CTNND2: variants seen among roughly 807,000 people sequenced by gnomAD.
CTNND2 encodes catenin delta 2, also known as catenin delta-2.
CTNND2 carries 22 observed loss-of-function variants against 144.4 expected under a neutral mutation model. That is an observed-to-expected ratio of 0.15 (90% CI 0.11 to 0.22). The LOEUF (loss-of-function observed/expected upper bound fraction) is 0.22, where lower values mean the gene tolerates loss of function less well. CTNND2 is among the 10% of genes least tolerant of loss of function. The pLI is 1.00. For synonymous variants in CTNND2, 751 were observed against 695.6 expected (o/e 1.08, Z -1.25); for missense variants, 1,353 against 1,618.8 (o/e 0.84, Z 2.82).
intron 2 of CTNND2, among the ~76,000 whole-genome samples, chr5:11,616,586 C>T (rs1312792998): frequency 6.7e-6 from 1 of 150,166 alleles, no homozygotes; most frequent in East Asian, 1.9e-4. Context: ...CTTTCCTTCC[C>T]CTTCCTTCCT....
At chr5:11,791,385 T>C (rs1174872463) in intron 1 of CTNND2, among the ~76,000 whole-genome samples, 1 of 152,122 alleles carries the variant, frequency 6.6e-6, no homozygotes, top group Non-Finnish European at 1.5e-5. Context: ...AATGCTGATA[T>C]TAAGCCAAAT....
At chr5:10,975,237 G>A (rs1333207636) in intron 21 of CTNND2, among the ~76,000 whole-genome samples, 1 of 152,158 alleles carries the variant, frequency 6.6e-6, no homozygotes, top group Non-Finnish European at 1.5e-5. Context: ...ACACAGGGCT[G>A]TTTTCCAAGT....
chr5:11,493,889 T>G (rs1281966356), intron 3 of CTNND2, among the ~76,000 whole-genome samples: 5 of 152,172 alleles, frequency 3.3e-5, no homozygotes, highest in Non-Finnish European at 7.4e-5. Context: ...GTTAAGGATA[T>G]GAAAAAGGTT....
chr5:11,099,383 T>C (rs534835660), intron 14 of CTNND2, among the ~76,000 whole-genome samples: 2 of 152,328 alleles, frequency 1.3e-5, no homozygotes, highest in African/African-American at 4.8e-5. Flanking sequence ...TTGAATCTAA[T>C]GAATAATAGG....
rs61749844 is a variant in CTNND2, at chr5:11,385,019, C to T, written c.823G>A (p.Gly275Ser). 5.7e-6 allele frequency: 7 copies of T among 1,234,510 alleles called. No individual in the cohort carries two copies. Among genetic ancestry groups the T allele is most frequent in the African/African-American group, 1.6e-5 (1 of 63,368 alleles). 76.5% of individuals were successfully genotyped at this position (1,234,510 alleles called of 1,614,324 possible). Residue 275 changes from glycine (G) to serine (S), a missense_variant, in exon 7 of 22, where the codon GGT becomes AGT. Around this residue, in one of 4 missense-constraint regions of CTNND2, gnomAD observed 708 missense variants for 706.4 expected, o/e 1.00. Transcript: ENST00000304623. The part of the protein sequence containing the change: ...GGSPLAAPQG[G>S]SPTKLQRGGS... ...CCGCGCTGCAGCTTGGTGGGCGAAC[C>T]GCCCTGGGGCGCGGCCAGCGGGGAG... is the stretch of plus-strand genomic sequence containing the variant.
intron 1 of CTNND2, among the ~76,000 whole-genome samples, chr5:11,849,604 A>T (rs1388082664): frequency 6.6e-6 from 1 of 152,178 alleles, no homozygotes; most frequent in Non-Finnish European, 1.5e-5. Context: ...CGGTTTAGGT[A>T]GTGAGCACAC....
At chr5:11,652,825 G>C (rs1449591183) in intron 2 of CTNND2, among the ~76,000 whole-genome samples, 1 of 152,066 alleles carries the variant, frequency 6.6e-6, no homozygotes, top group Admixed American at 6.5e-5. Flanking sequence ...TCAAGAATTT[G>C]TTAATCTTAT....
rs946082527 is a variant in CTNND2 at position 11,013,189 on chromosome 5, A to C, written c.3084+4785T>G. Reference sequence around the variant, plus strand: ...AGGAATCCGTAAGATCTCCTTGTTTATCAACATTAGATCATACCCTTTTGT... The same window carrying C: ...AGGAATCCGTAAGATCTCCTTGTTTCTCAACATTAGATCATACCCTTTTGT... On this transcript the variant is annotated intron_variant, in intron 18 of 21. Coordinates refer to ENST00000304623, the MANE Select transcript of CTNND2 (RefSeq NM_001332.4). 2.0e-5 allele frequency among the ~76,000 whole-genome samples: 3 copies of C among 152,192 alleles called. No individual in the cohort carries two copies. In the East Asian group the frequency reaches 5.8e-4, roughly 29 times the overall value.
chr5:11,670,445 C>A (rs1783822089), intron 2 of CTNND2, among the ~76,000 whole-genome samples: 1 of 152,136 alleles, frequency 6.6e-6, no homozygotes, highest in Admixed American at 6.5e-5. Flanking sequence ...GCATTGGGTG[C>A]ATATATATTT....
chr5:11,043,071 A>G (rs528836499), intron 16 of CTNND2, among the ~76,000 whole-genome samples: 1 of 151,350 alleles, frequency 6.6e-6, no homozygotes, highest in Non-Finnish European at 1.5e-5. Context: ...AATTTTTTAT[A>G]TCTAGGTCAG....
intron 1 of CTNND2, among the ~76,000 whole-genome samples, chr5:11,788,306 G>C (rs1790943567): frequency 1.6e-4 from 1 of 6,088 alleles, no homozygotes; most frequent in African/African-American, 1.8e-4. Flanking sequence ...AGTGTGCTAA[G>C]GACCCCTAGT....
intron 2 of CTNND2, among the ~76,000 whole-genome samples, chr5:11,713,907 A>C (rs549718181): frequency 2.0e-5 from 3 of 151,454 alleles, no homozygotes; most frequent in Non-Finnish European, 4.4e-5. Flanking sequence ...GTTCACCTGG[A>C]AGTGTGGCAT....
At position 11,690,536 on chromosome 5, in the gene CTNND2, A is replaced by G. The variant is rs1784851527; in HGVS notation, c.174+41600T>C. On this transcript the variant is annotated intron_variant, in intron 2 of 21. Transcript: ENST00000304623. ...ATCATGAGGTCATGAGATCGAGACC[A>G]TCCTGGCTAACAAGGTGAAACCCCG... is the stretch of plus-strand genomic sequence containing the variant. 1.3e-5 allele frequency among the ~76,000 whole-genome samples: 2 copies of G among 152,038 alleles called. 1 individual carries two copies. The highest frequency in any genetic ancestry group is 4.1e-4 in the South Asian group (2 of 4,828).
chr5:11,584,417 AT>A (rs146463821), intron 2 of CTNND2, among the ~76,000 whole-genome samples: 64,553 of 128,578 alleles, frequency 0.5, 16,331 homozygotes, highest in Middle Eastern at 0.66. Context: ...ATATATATAT[AT>A]TTTTTTTGGG....
In CTNND2 at chr5:11,903,523, TA is replaced by T; in HGVS notation, c.37+293del. 1 of 573,752 alleles carries T rather than the reference TA, an allele frequency of 1.7e-6. No homozygotes were observed. Among genetic ancestry groups the T allele is most frequent in the South Asian group, 3.5e-5 (1 of 28,622 alleles). 35.5% of individuals were successfully genotyped at this position (573,752 alleles called of 1,614,324 possible). ...GGGAGCAGCATTGTCGGTGTTGCCC[TA>T]AATACGCTTCCTCCCGGGGAGATGG... On this transcript the variant is annotated intron_variant, in intron 1 of 21. Transcript: ENST00000304623. This position sits in a 1 kb window ranked among gnomAD's most constrained non-coding sequence, Gnocchi z 5.4.
intron 20 of CTNND2, among the ~76,000 whole-genome samples, chr5:10,987,676 C>G (rs999933884): frequency 1.5e-5 from 2 of 131,560 alleles, no homozygotes; most frequent in African/African-American, 5.7e-5. Flanking sequence ...CCTCTCCTCC[C>G]CTCCCCACTC....
intron 1 of CTNND2, among the ~76,000 whole-genome samples, chr5:11,867,633 C>CCATTCATTCATT (rs58976660): frequency 6.6e-6 from 1 of 151,472 alleles, no homozygotes; most frequent in Admixed American, 6.6e-5. Flanking sequence ...GATACTGAGA[C>CCATTCATTCATT]CATTCATTCA....
At chr5:11,132,627 G>A (rs148075218) in intron 12 of CTNND2, among the ~76,000 whole-genome samples, 1 of 152,254 alleles carries the variant, frequency 6.6e-6, no homozygotes, top group African/African-American at 2.4e-5. Context: ...CTGTTTGTAA[G>A]CTATCTTGTC....
chr5:11,372,908 A>T lies in CTNND2; in HGVS notation c.1178-8018T>A, dbSNP rs548291159. ...CTAGGAGCCCCGGAGACAGACCATC[A>T]ATGCCGTGGTCTCTCCTGCCTCAGT... On this transcript the variant is annotated intron_variant, in intron 7 of 21. Transcript: ENST00000304623. Among the ~76,000 whole-genome samples the T allele has an allele frequency of 2.0e-5, 3 of 152,348 alleles. No homozygotes were observed. In the East Asian group the frequency reaches 5.8e-4, roughly 29 times the overall value.
Sources: gnomAD v4.1 joint callset for allele counts (sites outside exome capture counted in the v4.1 genomes callset) on GRCh38, gnomAD v4.1.1 for gene constraint, gnomAD v4.1.1 regional missense constraint, Gnocchi (gnomAD v3.1) non-coding constraint, MANE v1.5 for transcripts, NCBI Gene and HGNC (gene_info 2026-07-23, HGNC 2026-07-21) for gene names.